The following TNFSF4 variants were observed in gnomAD, a reference collection of about 807,000 sequenced individuals.
TNFSF4 encodes the protein TNF superfamily member 4, also known as tumor necrosis factor ligand superfamily member 4.
In TNFSF4, 4 loss-of-function variants were observed where a neutral mutation model predicts 7.3. That is an observed-to-expected ratio of 0.55 (90% CI 0.27 to 1.25). The LOEUF (loss-of-function observed/expected upper bound fraction) is 1.25, where lower values mean the gene tolerates loss of function less well. TNFSF4 is among the 50% of genes most tolerant of loss of function. TNFSF4 has a pLI of 0.12. For missense variants in TNFSF4, 181 were observed against 208.8 expected (o/e 0.87, Z 0.82); for synonymous variants, 76 against 83.7 (o/e 0.91, Z 0.50).
chr1:173,194,565 A>G (rs1328358008), intron 1 of TNFSF4, among the ~76,000 whole-genome samples: 7 of 152,162 alleles, frequency 4.6e-5, no homozygotes, highest in African/African-American at 1.7e-4. Flanking sequence ...AGAAAAGTCT[A>G]GAAATGAGGC....
chr1:173,390,524 G>A, the TNFSF4 span, among the ~76,000 whole-genome samples: 3 of 152,110 alleles, frequency 2.0e-5, no homozygotes, highest in African/African-American at 7.2e-5. Flanking sequence ...AGAGGTAATG[G>A]ATAATCTAGT....
chr1:173,432,249 T>C, the TNFSF4 span, among the ~76,000 whole-genome samples: 1 of 152,198 alleles, frequency 6.6e-6, no homozygotes, highest in Non-Finnish European at 1.5e-5. Flanking sequence ...AACAACTAGA[T>C]CTTTGTTAGA....
chr1:173,309,597 T>C, the TNFSF4 span, among the ~76,000 whole-genome samples: 1 of 151,962 alleles, frequency 6.6e-6, no homozygotes, highest in African/African-American at 2.4e-5. Context: ...CTGATTTTTT[T>C]AGGACCTATT....
At chr1:173,444,909 G>A in the TNFSF4 span, among the ~76,000 whole-genome samples, 1 of 152,150 alleles carries the variant, frequency 6.6e-6, no homozygotes, top group Non-Finnish European at 1.5e-5. Flanking sequence ...TCAAAGTGAG[G>A]TTCTTGAATT....
At chr1:173,392,183 A>C in the TNFSF4 span, among the ~76,000 whole-genome samples, 1 of 152,206 alleles carries the variant, frequency 6.6e-6, no homozygotes, top group Non-Finnish European at 1.5e-5. Context: ...CTAACTTGTT[A>C]ACCCTGTGGG....
the TNFSF4 span, chr1:173,363,512 TCTTAC>T: frequency 2.2e-6 from 1 of 451,704 alleles, no homozygotes; most frequent in African/African-American, 2.1e-5. Flanking sequence ...AAGCATCAAA[TCTTAC>T]CTTTAAGATT....
At chr1:173,218,585 C>G in the TNFSF4 span, among the ~76,000 whole-genome samples, 1 of 126,060 alleles carries the variant, frequency 7.9e-6, no homozygotes, top group African/African-American at 3.6e-5. Flanking sequence ...ATATGAGGAA[C>G]AAAATTCCCC....
the TNFSF4 span, among the ~76,000 whole-genome samples, chr1:173,406,256 TA>T: frequency 5.5e-4 from 84 of 152,284 alleles, 1 homozygote; most frequent in African/African-American, 2.0e-3. Context: ...TCTGAACTAC[TA>T]GGGGGAAAAA....
the TNFSF4 span, among the ~76,000 whole-genome samples, chr1:173,368,208 C>T: frequency 6.6e-6 from 1 of 152,258 alleles, no homozygotes; most frequent in Non-Finnish European, 1.5e-5. Flanking sequence ...CAGCAATCCA[C>T]TCAGGTCCCC....
the TNFSF4 span, among the ~76,000 whole-genome samples, chr1:173,397,616 A>G: frequency 3.9e-5 from 6 of 152,206 alleles, no homozygotes; most frequent in Non-Finnish European, 8.8e-5. Flanking sequence ...CCAGTTTTGG[A>G]ATGCATAATT....
chr1:173,261,470 C>A, the TNFSF4 span, among the ~76,000 whole-genome samples: 1 of 151,926 alleles, frequency 6.6e-6, no homozygotes, highest in African/African-American at 2.4e-5. Flanking sequence ...AAAGAAATAA[C>A]CAAGATCAGA....
At chr1:173,402,496 A>T in the TNFSF4 span, among the ~76,000 whole-genome samples, 1 of 152,180 alleles carries the variant, frequency 6.6e-6, no homozygotes, top group Non-Finnish European at 1.5e-5. Context: ...CACCTGACCT[A>T]ATTTTGTAAT....
Position 173,207,236 on chromosome 1 carries a change from TGAA to T in TNFSF4, c.-63_-61del. The T allele has an allele frequency of 6.6e-7, 1 of 1,523,726 alleles. No homozygotes were observed. Among genetic ancestry groups the T allele is most frequent in the Non-Finnish European group, 9.0e-7 (1 of 1,115,372 alleles). The allele number at this position is 1,523,726 out of a possible 1,614,324, so 94.4% of individuals were successfully genotyped here. On this transcript the variant is annotated 5_prime_UTR_variant, in exon 1 of 3. Transcript: ENST00000281834. ...GGAAAAGGGGAACGTGCGATAAAAC[TGAA>T]GTTTTCCCCAGAAAGAAGGAGGTAA...
chr1:173,401,584 C>A, the TNFSF4 span, among the ~76,000 whole-genome samples: 1 of 152,082 alleles, frequency 6.6e-6, no homozygotes, highest in Non-Finnish European at 1.5e-5. Context: ...TTTCTCCTGC[C>A]CTTGGTCTGA....
intron 1 of TNFSF4, 133 bp downstream of exon 1, chr1:173,206,891 C>T (rs535322879): frequency 2.6e-5 from 27 of 1,041,318 alleles, no homozygotes; most frequent in African/African-American, 9.7e-5. Context: ...CCACACTTTA[C>T]GATTGCTGTG....
chr1:173,316,818 G>T, the TNFSF4 span, among the ~76,000 whole-genome samples: 1 of 152,008 alleles, frequency 6.6e-6, no homozygotes, highest in Non-Finnish European at 1.5e-5. Context: ...ACATGTAATT[G>T]TTGTACTAGA....
At chr1:173,384,584 A>C in the TNFSF4 span, among the ~76,000 whole-genome samples, 1 of 152,176 alleles carries the variant, frequency 6.6e-6, no homozygotes, top group African/African-American at 2.4e-5. Context: ...GCACCAGAGC[A>C]TATGCAGTGG....
the TNFSF4 span, among the ~76,000 whole-genome samples, chr1:173,267,891 C>CAGAGGAGAGG: frequency 6.7e-6 from 1 of 150,246 alleles, no homozygotes; most frequent in Non-Finnish European, 1.5e-5. Flanking sequence ...GAGAGGAGAG[C>CAGAGGAGAGG]AGAGGAGAGG....
At chr1:173,357,105 A>C in the TNFSF4 span, among the ~76,000 whole-genome samples, 1 of 152,252 alleles carries the variant, frequency 6.6e-6, no homozygotes, top group Non-Finnish European at 1.5e-5. Flanking sequence ...CTTGGGGAAG[A>C]AAATATATAG....
Sources: gnomAD v4.1 joint callset for allele counts (sites outside exome capture counted in the v4.1 genomes callset) on GRCh38, gnomAD v4.1.1 for gene constraint, MANE v1.5 for transcripts, NCBI Gene and HGNC (gene_info 2026-07-23, HGNC 2026-07-21) for gene names.